NDUFAF2: variants seen among roughly 807,000 people sequenced by gnomAD.
NDUFAF2 encodes NADH:ubiquinone oxidoreductase complex assembly factor 2.
A neutral mutation model predicts 22.8 loss-of-function variants in NDUFAF2; 13 were observed. That is an observed-to-expected ratio of 0.57 (90% CI 0.37 to 0.91). The LOEUF (loss-of-function observed/expected upper bound fraction) is 0.91. Ranked by LOEUF, NDUFAF2 falls within the 40% of genes least tolerant of loss-of-function variation. The probability of loss-of-function intolerance (pLI) is 0.01; values close to 1 mark genes in which losing one functional copy is unlikely to be tolerated. For synonymous variants in NDUFAF2, 53 were observed against 64.2 expected (o/e 0.83, Z 0.84); for missense variants, 162 against 195.2 (o/e 0.83, Z 1.01).
chr5:61,043,677 ATATG>A (rs1378127849), intron 1 of NDUFAF2, among the ~76,000 whole-genome samples: 1 of 138,146 alleles, frequency 7.2e-6, no homozygotes, highest in Non-Finnish European at 1.5e-5. Context: ...AAAGCTGTAT[ATATG>A]TGTGTGTGTG....
chr5:60,965,701 C>T (rs1750750632), intron 1 of NDUFAF2, among the ~76,000 whole-genome samples: 1 of 152,052 alleles, frequency 6.6e-6, no homozygotes, highest in African/African-American at 2.4e-5. Flanking sequence ...GCAGATTTCC[C>T]TCTTTTTAAA....
intron 2 of NDUFAF2, among the ~76,000 whole-genome samples, chr5:61,097,969 C>T (rs1015576812): frequency 1.3e-5 from 2 of 152,088 alleles, no homozygotes; most frequent in Non-Finnish European, 2.9e-5. Flanking sequence ...AAACAGTGGC[C>T]TTCAAGATCA....
intron 1 of NDUFAF2, among the ~76,000 whole-genome samples, chr5:60,991,678 A>C (rs1751160033): frequency 1.3e-5 from 2 of 152,080 alleles, no homozygotes. Flanking sequence ...TATATGTACC[A>C]CCTTTTTTTA....
At chr5:61,128,305 G>C (rs1016269048) in intron 3 of NDUFAF2, among the ~76,000 whole-genome samples, 2 of 152,022 alleles carry the variant, frequency 1.3e-5, no homozygotes, top group Non-Finnish European at 2.9e-5. Context: ...CTACTTTAAA[G>C]TTCATATGGA....
At chr5:61,035,238 C>T (rs1162274707) in intron 1 of NDUFAF2, among the ~76,000 whole-genome samples, 2 of 151,294 alleles carry the variant, frequency 1.3e-5, no homozygotes, top group African/African-American at 4.9e-5. Context: ...AGATAATTTT[C>T]GTATTTTTAG....
chr5:61,072,736 G>A (rs1752315295), intron 1 of NDUFAF2, among the ~76,000 whole-genome samples: 1 of 151,968 alleles, frequency 6.6e-6, no homozygotes, highest in African/African-American at 2.4e-5. Context: ...AGAGTAGCTG[G>A]GACTACAGGT....
At chr5:61,077,352 G>A (rs1316608959) in intron 2 of NDUFAF2, among the ~76,000 whole-genome samples, 1 of 152,172 alleles carries the variant, frequency 6.6e-6, no homozygotes, top group African/African-American at 2.4e-5. Flanking sequence ...TCATGTACTA[G>A]AAGCCAAATA....
At chr5:61,150,456 C>A (rs1373024249) in intron 3 of NDUFAF2, among the ~76,000 whole-genome samples, 1 of 152,056 alleles carries the variant, frequency 6.6e-6, no homozygotes, top group African/African-American at 2.4e-5. Context: ...ATTGGCTTTT[C>A]TTTTGCCTCA....
At chr5:60,971,944 T>C (rs958409777) in intron 1 of NDUFAF2, among the ~76,000 whole-genome samples, 2 of 149,236 alleles carry the variant, frequency 1.3e-5, no homozygotes, top group African/African-American at 2.5e-5. Context: ...CCTCCCTTTT[T>C]TTTTTTTTTT....
intron 2 of NDUFAF2, among the ~76,000 whole-genome samples, chr5:61,086,440 G>T (rs1202851294): frequency 6.6e-6 from 1 of 152,122 alleles, no homozygotes; most frequent in Non-Finnish European, 1.5e-5. Flanking sequence ...TGGTACTGAT[G>T]TAAGGATAAT....
intron 2 of NDUFAF2, chr5:61,083,147 T>A (rs142625149): frequency 6.6e-6 from 1 of 152,324 alleles, no homozygotes; most frequent in East Asian, 1.9e-4. Context: ...TATTTTTTCA[T>A]GTTTGTTGGC....
intron 1 of NDUFAF2, among the ~76,000 whole-genome samples, chr5:61,021,133 A>C (rs751287045): frequency 4.0e-5 from 6 of 151,804 alleles, no homozygotes; most frequent in Non-Finnish European, 7.4e-5. Context: ...GTCAGAAATT[A>C]CTGCAAATTT....
chr5:61,047,173 C>A (rs768558118), intron 1 of NDUFAF2, among the ~76,000 whole-genome samples: 1 of 151,958 alleles, frequency 6.6e-6, no homozygotes, highest in Admixed American at 6.6e-5. Context: ...TTTCCCATCC[C>A]GAGAGTATTA....
chr5:60,957,639 C>T (rs552496290), intron 1 of NDUFAF2, among the ~76,000 whole-genome samples: 1 of 152,056 alleles, frequency 6.6e-6, no homozygotes, highest in African/African-American at 2.4e-5. Context: ...CTGTCTGCAC[C>T]CAGACAGACC....
intron 1 of NDUFAF2, among the ~76,000 whole-genome samples, chr5:60,951,893 A>G (rs1750552405): frequency 6.6e-6 from 1 of 151,950 alleles, no homozygotes; most frequent in African/African-American, 2.4e-5. Flanking sequence ...CAAATTTAAT[A>G]TCTTTGGCAG....
intron 1 of NDUFAF2, among the ~76,000 whole-genome samples, chr5:61,054,422 C>T (rs2111703959): frequency 6.6e-6 from 1 of 152,122 alleles, no homozygotes; most frequent in African/African-American, 2.4e-5. Flanking sequence ...CAGGCCAGAC[C>T]ATAGGTTTCC....
intron 1 of NDUFAF2, among the ~76,000 whole-genome samples, chr5:61,005,284 T>C (rs934293387): frequency 1.3e-5 from 2 of 152,236 alleles, no homozygotes; most frequent in Non-Finnish European, 2.9e-5. Flanking sequence ...TTTTTATGGC[T>C]GCATAGTGTT....
chr5:61,001,929 A>G (rs1026651028), intron 1 of NDUFAF2, among the ~76,000 whole-genome samples: 1 of 152,158 alleles, frequency 6.6e-6, no homozygotes, highest in East Asian at 1.9e-4. Flanking sequence ...TAGTATCGTC[A>G]TATTTCCTTA....
At chr5:60,989,790 A>G (rs931471819) in intron 1 of NDUFAF2, among the ~76,000 whole-genome samples, 4 of 152,140 alleles carry the variant, frequency 2.6e-5, no homozygotes, top group Admixed American at 6.6e-5. Flanking sequence ...AAAAATACCT[A>G]TCGGGTACTA....
Sources: allele counts gnomAD v4.1 joint callset (sites outside exome capture counted in the v4.1 genomes callset), GRCh38; gene constraint gnomAD v4.1.1; transcripts MANE v1.5; gene names NCBI Gene and HGNC (gene_info 2026-07-23, HGNC 2026-07-21).